Variants in PI4K2B observed in about 807,000 individuals in gnomAD.
PI4K2B encodes phosphatidylinositol 4-kinase type 2-beta.
PI4K2B carries 46 observed loss-of-function variants against 56.6 expected under a neutral mutation model. The ratio of observed to expected loss-of-function variants is 0.81; its 90% CI spans 0.64 to 1.04. PI4K2B has a LOEUF of 1.04. Among genes scored for constraint, PI4K2B ranks in the 50% least tolerant of loss-of-function variants. The pLI is 0.00. For missense variants in PI4K2B, 556 were observed against 607.7 expected (o/e 0.91, Z 0.89); for synonymous variants, 211 against 223.8 (o/e 0.94, Z 0.51).
chr4:25,241,987 A>T (rs1036560447), intron 1 of PI4K2B, among the ~76,000 whole-genome samples: 6 of 152,150 alleles, frequency 3.9e-5, no homozygotes, highest in Non-Finnish European at 7.3e-5. Flanking sequence ...GGGCCTGGCT[A>T]TCTCGCTGTA....
At chr4:25,260,907 C>T (rs1261200360) in intron 6 of PI4K2B, among the ~76,000 whole-genome samples, 1 of 138,944 alleles carries the variant, frequency 7.2e-6, no homozygotes, top group Non-Finnish European at 1.5e-5. Context: ...GGGATTTTGC[C>T]GTGTTGGCCA....
chr4:25,237,457 C>T (rs1715314881), intron 1 of PI4K2B, among the ~76,000 whole-genome samples: 1 of 152,082 alleles, frequency 6.6e-6, no homozygotes, highest in South Asian at 2.1e-4. Flanking sequence ...TAACTGCAAC[C>T]TCCACTCCCC....
In PI4K2B at chr4:25,259,127, A is replaced by G. The variant is rs771191262; in HGVS notation, c.847A>G (p.Arg283Gly). 3 of 1,584,236 alleles carry G rather than the reference A, an allele frequency of 1.9e-6. No individual in the cohort carries two copies. Among genetic ancestry groups the G allele is most frequent in the South Asian group, 2.2e-5 (2 of 90,176 alleles). ...FEADPLPENI[R>G]KQFQSQFERL... ...AGCTGACCCTTTGCCTGAGAATATT[A>G]GAAAACAATTTCAGTCACAATTTGA... The change falls in exon 5 of 10, where the codon AGA becomes GGA. Residue 283 changes from arginine to glycine, a missense_variant. Transcript: ENST00000264864.
chr4:25,269,891 T>C (rs1716812871), intron 9 of PI4K2B, among the ~76,000 whole-genome samples: 2 of 151,732 alleles, frequency 1.3e-5, no homozygotes, highest in South Asian at 2.1e-4. Context: ...TTTTTTTCTA[T>C]ATTTTTAGTA....
chr4:25,276,574 C>T (rs1560382683), intron 9 of PI4K2B: 1 of 821,238 alleles, frequency 1.2e-6, no homozygotes, highest in East Asian at 1.3e-4. Context: ...ACAGCAGAAC[C>T]TCGCACATAG....
intron 1 of PI4K2B, among the ~76,000 whole-genome samples, chr4:25,249,942 G>C (rs1715977368): frequency 6.6e-6 from 1 of 152,234 alleles, no homozygotes; most frequent in Non-Finnish European, 1.5e-5. Context: ...TGAGCACTGA[G>C]TGAGCGAGAC....
At chr4:25,270,593 G>A (rs911457794) in intron 9 of PI4K2B, among the ~76,000 whole-genome samples, 10 of 152,016 alleles carry the variant, frequency 6.6e-5, no homozygotes, top group Admixed American at 3.3e-4. Context: ...TGATCCAGCC[G>A]CCTTGGCCTC....
intron 1 of PI4K2B, among the ~76,000 whole-genome samples, chr4:25,243,782 A>C (rs1394396396): frequency 6.6e-6 from 1 of 152,192 alleles, no homozygotes; most frequent in South Asian, 2.1e-4. Flanking sequence ...TGAATAATTC[A>C]TGGGCTTTTT....
At chr4:25,235,374 T>G (rs1715215186) in intron 1 of PI4K2B, among the ~76,000 whole-genome samples, 2 of 152,136 alleles carry the variant, frequency 1.3e-5, no homozygotes, top group African/African-American at 4.8e-5. Flanking sequence ...CACTGCTTAG[T>G]TTTTTTTGGA....
rs1240367993 is a variant in PI4K2B at position 25,273,838 on chromosome 4, C to T, written c.1273-3176C>T. Among the ~76,000 whole-genome samples the T allele has an allele frequency of 2.0e-5, 3 of 152,318 alleles. No homozygotes were observed. In the East Asian group the frequency reaches 5.8e-4, roughly 29 times the overall value. ...CTCAAGTCCAGGCTTTCAGCACAGT[C>T]GACAACACAGTCGGGCTCCAAACAG... On this transcript the variant is annotated intron_variant, in intron 9 of 9. Transcript: ENST00000264864.
At chr4:25,244,721 G>T (rs1463479656) in intron 1 of PI4K2B, among the ~76,000 whole-genome samples, 10 of 152,092 alleles carry the variant, frequency 6.6e-5, no homozygotes, top group African/African-American at 2.2e-4. Context: ...TTCTCCCCCT[G>T]CCCAAGAACC....
chr4:25,236,669 A>G (rs544839537), intron 1 of PI4K2B, among the ~76,000 whole-genome samples: 109 of 152,350 alleles, frequency 7.2e-4, no homozygotes, highest in African/African-American at 2.5e-3. Flanking sequence ...TCAGGTCTTC[A>G]GAGGTAAATG....
In PI4K2B at chr4:25,277,076, T is replaced by G. The variant is rs1215776514; in HGVS notation, c.1335T>G (p.Pro445=). Residue 445 remains proline (P), a synonymous_variant, in exon 10 of 10, where the codon CCT becomes CCG. Transcript: ENST00000264864. ...GTCCTTTCCAGCTAGTACAGATACC[T>G]TGTGTGATTGTGGAACGCAGTCAAG... is the stretch of plus-strand genomic sequence containing the variant. ...GKSPFQLVQI[P]CVIVERSQGG... The G allele has an allele frequency of 6.2e-7, 1 of 1,613,754 alleles. No individual in the cohort carries two copies. The highest frequency in any genetic ancestry group is 1.6e-4 in the Middle Eastern group (1 of 6,062).
rs772986765 is a variant in PI4K2B, at chr4:25,255,026, T to C, written c.424-39T>C. Reference sequence around the variant, plus strand: ...CATTTTATGGATGATTATCTATATATGTAAAAAGTCTAATAAGATTTTTAC... The same window carrying C: ...CATTTTATGGATGATTATCTATATACGTAAAAAGTCTAATAAGATTTTTAC... On this transcript the variant is annotated intron_variant, in intron 2 of 9. Coordinates refer to ENST00000264864, the MANE Select transcript of PI4K2B (RefSeq NM_018323.4). 9 of 1,313,792 alleles carry C rather than the reference T, an allele frequency of 6.9e-6. No homozygotes were observed. In the Admixed American group the frequency reaches 1.4e-4, roughly 21 times the overall value. 81.4% of individuals were successfully genotyped at this position (1,313,792 alleles called of 1,614,324 possible).
rs755001507 is a variant in PI4K2B, at chr4:25,252,342, T to C, written c.290T>C (p.Met97Thr). 7.4e-6 allele frequency: 12 copies of C among 1,610,740 alleles called. No individual in the cohort carries two copies. Among genetic ancestry groups the C allele is most frequent in the South Asian group, 4.4e-5 (4 of 91,004 alleles). Reference sequence around the variant, plus strand: ...GCAGTAACTATTGGTACTTCAGAGATGAATGCATTCTTGGATGACCCAGAA... The same window carrying C: ...GCAGTAACTATTGGTACTTCAGAGACGAATGCATTCTTGGATGACCCAGAA... ...AVSVTIGTSE[M>T]NAFLDDPEFA... is the part of the protein sequence containing the mutation. Residue 97 changes from methionine (M) to threonine (T), a missense_variant, in exon 2 of 10, where the codon ATG becomes ACG. Physicochemically the swap from Met to Thr is moderately conservative, Grantham distance 81. Transcript: ENST00000264864.
intron 1 of PI4K2B, among the ~76,000 whole-genome samples, chr4:25,237,345 T>G (rs1437050758): frequency 2.0e-5 from 3 of 150,672 alleles, no homozygotes; most frequent in Non-Finnish European, 3.0e-5. Flanking sequence ...TATTTTTGTT[T>G]TTTTTTTTTG....
chr4:25,239,345 G>T (rs529238995), intron 1 of PI4K2B, among the ~76,000 whole-genome samples: 12 of 152,214 alleles, frequency 7.9e-5, no homozygotes, highest in Non-Finnish European at 1.6e-4. Context: ...GCAGCAGGGG[G>T]AGGCTCAGGC....
intron 1 of PI4K2B, among the ~76,000 whole-genome samples, chr4:25,245,182 TTA>T (rs1715703867): frequency 6.6e-6 from 1 of 152,076 alleles, no homozygotes; most frequent in Non-Finnish European, 1.5e-5. Flanking sequence ...CGGGCAAAAA[TTA>T]TGTCTTTCTG....
At chr4:25,237,588 ACTC>A (rs1207698090) in intron 1 of PI4K2B, among the ~76,000 whole-genome samples, 1 of 152,078 alleles carries the variant, frequency 6.6e-6, no homozygotes, top group Non-Finnish European at 1.5e-5. Flanking sequence ...CTGGTCTCGA[ACTC>A]CTGACCTCAG....
Sources: gnomAD v4.1 joint callset for allele counts (sites outside exome capture counted in the v4.1 genomes callset) on GRCh38, gnomAD v4.1.1 for gene constraint, MANE v1.5 for transcripts, NCBI Gene and HGNC (gene_info 2026-07-23, HGNC 2026-07-21) for gene names.